The following LIG3 variants were observed in gnomAD, a reference collection of about 807,000 sequenced individuals.
LIG3 encodes the protein ligase II, DNA, ATP-dependent.
LIG3 carries 58 observed loss-of-function variants against 110.9 expected under a neutral mutation model. The observed-to-expected ratio is 0.52, with a 90% confidence interval of 0.42 to 0.65. The LOEUF is 0.65. LIG3 is among the 30% of genes least tolerant of loss of function. LIG3 has a pLI of 0.00. For synonymous variants in LIG3, 422 were observed against 472.8 expected, an observed-to-expected ratio of 0.89 and a Z score of 1.39; for missense variants, 1,094 against 1,273.8, an observed-to-expected ratio of 0.86 and a Z score of 2.15.
At position 35,002,124 on chromosome 17, in the gene LIG3, T is replaced by A. The variant is rs749683662; in HGVS notation, c.2674+20T>A. 4.5e-6 allele frequency: 7 copies of A among 1,540,050 alleles called. No homozygotes were observed. The highest frequency in any genetic ancestry group is 5.2e-6 in the Non-Finnish European group (6 of 1,144,362). On this transcript the variant is annotated intron_variant, in intron 18 of 19. Coordinates refer to ENST00000378526, the MANE Select transcript of LIG3 (RefSeq NM_013975.4). ...AAGATGGTAAGGATAGGGAGGGGGC[T>A]GGTATGGTGAAGAGGGCGGTGTGAG...
Position 34,998,665 on chromosome 17 carries a change from G to A in LIG3, c.2051G>A (p.Gly684Glu). 6.2e-7 allele frequency: 1 copy of A among 1,614,188 alleles called. No individual in the cohort carries two copies. Among genetic ancestry groups the A allele is most frequent in the Non-Finnish European group, 8.5e-7 (1 of 1,180,018 alleles). ...GTGAAGAAAGACTATTTGAACGAGG[G>A]GGCCATGGCCGACACAGCTGACCTG... The part of the protein sequence containing the change: ...LKVKKDYLNE[G>E]AMADTADLVV... The change falls in exon 14 of 20, where the codon GGG (glycine) becomes GAG (glutamate). Residue 684 changes from glycine (G) to glutamate (E), a missense_variant. Physicochemically the swap from Gly to Glu is moderately conservative, Grantham distance 98 (BLOSUM62 -2). Transcript: ENST00000378526.
At chr17:34,990,622 A>G (rs2090709032) in intron 4 of LIG3, among the ~76,000 whole-genome samples, 1 of 152,072 alleles carries the variant, frequency 6.6e-6, no homozygotes, top group African/African-American at 2.4e-5. Context: ...TGTGTGAGAC[A>G]GTGTCTTGCT....
chr17:34,998,050 C>G, intron 12 of LIG3, 169 bp from the exon 13 acceptor site: 1 of 649,298 alleles, frequency 1.5e-6, no homozygotes, highest in Non-Finnish European at 2.7e-6. Context: ...GCCACAGCAG[C>G]CCTCTGTTTG....
intron 14 of LIG3, 72 bp from the exon 15 acceptor site, chr17:34,999,235 C>T: frequency 3.3e-6 from 5 of 1,528,668 alleles, no homozygotes; most frequent in Non-Finnish European, 4.4e-6. Context: ...AGGTCCTCTC[C>T]CTGGCCCTGG....
Position 35,002,352 on chromosome 17 carries a change from A to G in LIG3, c.2674+248A>G, listed in dbSNP as rs558111340. ...TGGGGACAGCCAGTCTGACCAGGGA[A>G]TAAGCTACCTTTGAGTAAAGGGCTT... is the stretch of plus-strand genomic sequence containing the variant. On this transcript the variant is annotated intron_variant, in intron 18 of 19. Coordinates refer to ENST00000378526, the MANE Select transcript of LIG3 (RefSeq NM_013975.4). 4.6e-5 allele frequency among the ~76,000 whole-genome samples: 7 copies of G among 152,304 alleles called. No homozygotes were observed. The South Asian group carries it at 6.2e-4, about 14-fold the overall frequency.
chr17:34,990,619 GAC>G (rs1386392533), intron 4 of LIG3, among the ~76,000 whole-genome samples: 1 of 150,590 alleles, frequency 6.6e-6, no homozygotes, highest in African/African-American at 2.4e-5. Flanking sequence ...GTGTGTGTGA[GAC>G]AGTGTCTTGC....
At chr17:34,990,819 A>C in intron 4 of LIG3, 144 bp from the exon 5 acceptor site, 1 of 690,686 alleles carries the variant, frequency 1.4e-6, no homozygotes, top group East Asian at 2.9e-5. Context: ...GTGGTCTCAA[A>C]CTTGTGAGCT....
In LIG3 at chr17:35,008,704, T is replaced by A. The variant is rs2090914571; in HGVS notation, c.*4198T>A. ...CGGACTGCAGTGGCGCAATCTTGGC[T>A]CACTGCAAGCTCCGCCTCCCGGGTT... On this transcript the variant is annotated 3_prime_UTR_variant, in exon 20 of 20. Coordinates refer to ENST00000378526, the MANE Select transcript of LIG3 (RefSeq NM_013975.4). 1 of 152,180 alleles carries A rather than the reference T, an allele frequency of 6.6e-6. No homozygotes were observed. Among genetic ancestry groups the A allele is most frequent in the African/African-American group, 2.4e-5 (1 of 41,448 alleles). 9.4% of individuals were successfully genotyped at this position (152,180 alleles called of 1,614,324 possible).
chr17:34,998,805 G>A lies in LIG3; in HGVS notation c.2113+78G>A, dbSNP rs970355799. On this transcript the variant is annotated intron_variant, in intron 14 of 19. Coordinates refer to ENST00000378526, the MANE Select transcript of LIG3 (RefSeq NM_013975.4). ...GAGGTACAGGCTGGCCTTGTTACTG[G>A]CTTGATCTGCCAGCATGGCCAGTTA... is the stretch of plus-strand genomic sequence containing the variant. 4.6e-6 allele frequency: 7 copies of A among 1,515,186 alleles called. No individual in the cohort carries two copies. In the African/African-American group the frequency reaches 8.3e-5, roughly 18 times the overall value. The allele number at this position is 1,515,186 out of a possible 1,614,324, so 93.9% of individuals were successfully genotyped here. A position where few individuals can be genotyped will look rare whatever the true frequency, so the allele number is the denominator to read the frequency against.
intron 3 of LIG3, among the ~76,000 whole-genome samples, chr17:34,988,679 G>A (rs1253252905): frequency 6.6e-6 from 1 of 152,120 alleles, no homozygotes; most frequent in Non-Finnish European, 1.5e-5. Flanking sequence ...TCCTTGGGGA[G>A]CAGGGTTTTA....
At chr17:35,003,050 A>ACTGCCTGG in intron 19 of LIG3, 1 of 1,614,148 alleles carries the variant, frequency 6.2e-7, no homozygotes, top group Non-Finnish European at 8.5e-7. Flanking sequence ...AGGAGATAGA[A>ACTGCCTGG]CAGCCCGGCC....
intron 19 of LIG3, 56 bp from the exon 20 acceptor site, chr17:35,004,217 G>C: frequency 1.5e-6 from 2 of 1,336,222 alleles, no homozygotes; most frequent in Non-Finnish European, 1.1e-6. Flanking sequence ...TTTGGGTGAA[G>C]ACCCATCTGT....
intron 5 of LIG3, 153 bp downstream of exon 5, chr17:34,991,267 A>C: frequency 1.5e-6 from 1 of 685,796 alleles, no homozygotes; most frequent in South Asian, 1.9e-5. Context: ...GGGGGAGCTG[A>C]ATGTGAGGCT....
chr17:35,004,447 G>A lies in LIG3; in HGVS notation c.2971G>A (p.Val991Ile). 6.2e-7 allele frequency: 1 copy of A among 1,614,204 alleles called. No individual in the cohort carries two copies. Among genetic ancestry groups the A allele is most frequent in the Non-Finnish European group, 8.5e-7 (1 of 1,180,034 alleles). The change falls in exon 20 of 20, where the codon GTC (valine) becomes ATC (isoleucine). Residue 991 changes from valine to isoleucine, a missense_variant. Transcript: ENST00000378526. ...GGACAAGAACCCTGCGGCCCAGCAGGTCTCCCCAGAGTGGATTTGGGCATG... is the reference window on the plus strand; with the variant it reads ...GGACAAGAACCCTGCGGCCCAGCAGATCTCCCCAGAGTGGATTTGGGCATG... ...SRDKNPAAQQ[V>I]SPEWIWACIR...
chr17:34,998,575 T>G, intron 13 of LIG3, 29 bp from the exon 14 acceptor site: 8 of 1,612,500 alleles, frequency 5.0e-6, no homozygotes, highest in Non-Finnish European at 6.8e-6. Flanking sequence ...GCCTTTCTAT[T>G]CTGTGGTCTC....
rs1209869151 is a variant in LIG3 at position 34,991,668 on chromosome 17, CAG to C, written c.1042-2_1042-1del. The C allele has an allele frequency of 1.9e-6, 3 of 1,613,358 alleles. No individual in the cohort carries two copies. Among genetic ancestry groups the C allele is most frequent in the Admixed American group, 1.7e-5 (1 of 59,988 alleles). ...GCAGTGGCATTTTGGTTTTTGGAGACAGGGTGACGTGTCAGAGACAATCAGAG... is the reference window on the plus strand; with the variant it reads ...GCAGTGGCATTTTGGTTTTTGGAGACGGTGACGTGTCAGAGACAATCAGAG... On this transcript the variant is annotated splice_acceptor_variant, in intron 5 of 19. Transcript: ENST00000378526. LOFTEE classifies it high-confidence loss of function.
At chr17:34,984,781 CTTTTT>C (rs35202391) in intron 2 of LIG3, among the ~76,000 whole-genome samples, 1 of 139,080 alleles carries the variant, frequency 7.2e-6, no homozygotes, top group Non-Finnish European at 1.6e-5. Flanking sequence ...TCTGTTTCTT[CTTTTT>C]TTTTTTTTTG....
intron 9 of LIG3, among the ~76,000 whole-genome samples, chr17:34,995,106 C>G (rs2090764455): frequency 1.3e-5 from 2 of 152,184 alleles, no homozygotes; most frequent in Admixed American, 6.5e-5. Flanking sequence ...AGATGGAATT[C>G]CTATCTTTGC....
At position 35,004,830 on chromosome 17, in the gene LIG3, C is replaced by T; in HGVS notation, c.*324C>T. The T allele has an allele frequency of 3.4e-6, 1 of 297,342 alleles. No individual in the cohort carries two copies. Among genetic ancestry groups the T allele is most frequent in the South Asian group, 4.5e-5 (1 of 22,462 alleles). 18.4% of individuals were successfully genotyped at this position (297,342 alleles called of 1,614,324 possible). A position where few individuals can be genotyped will look rare whatever the true frequency, so the allele number is the denominator to read the frequency against. ...ATCTTTGTCCTTTCCCCACCTACACCCCCAATAATTTCCCTAGAGATTAAG... is the reference window on the plus strand; with the variant it reads ...ATCTTTGTCCTTTCCCCACCTACACTCCCAATAATTTCCCTAGAGATTAAG... On this transcript the variant is annotated 3_prime_UTR_variant, in exon 20 of 20. Transcript: ENST00000378526.
Sources: gnomAD v4.1 joint callset for allele counts (sites outside exome capture counted in the v4.1 genomes callset) on GRCh38, gnomAD v4.1.1 for gene constraint, MANE v1.5 for transcripts, NCBI Gene and HGNC (gene_info 2026-07-23, HGNC 2026-07-21) for gene names.